Variants in SH2D4B observed in about 807,000 individuals in gnomAD.
SH2D4B encodes SH2 domain containing 4B.
Under a neutral mutation model 61.5 loss-of-function variants are expected in SH2D4B, and 45 were observed. The ratio of observed to expected loss-of-function variants is 0.73; its 90% CI spans 0.58 to 0.94. The LOEUF (loss-of-function observed/expected upper bound fraction) is 0.94, where lower values mean the gene tolerates loss of function less well. Ranked by LOEUF, SH2D4B falls within the 40% of genes least tolerant of loss-of-function variation. The pLI, the probability that SH2D4B is intolerant of heterozygous loss-of-function variation, is 0.00. For synonymous variants in SH2D4B, 224 were observed against 220.4 expected (o/e 1.02, Z -0.14); for missense variants, 572 against 574.2 (o/e 1.00, Z 0.04).
At position 80,538,574 on chromosome 10, in the gene SH2D4B, T is replaced by A; in HGVS notation, c.184+59T>A. ...CCAGTCCCCCAGGAGGTAGAAAAATTAGCAGGGCCAGGCTGTGCCCTTCTT... is the reference window on the plus strand; with the variant it reads ...CCAGTCCCCCAGGAGGTAGAAAAATAAGCAGGGCCAGGCTGTGCCCTTCTT... On this transcript the variant is annotated intron_variant, in intron 1 of 7. Coordinates refer to ENST00000646907, the MANE Select transcript of SH2D4B (RefSeq NM_001388272.1). The surrounding 1 kb of genome is among the most constrained non-coding windows in gnomAD (Gnocchi z 4.8). 7.8e-7 allele frequency: 1 copy of A among 1,290,104 alleles called. No homozygotes were observed. The highest frequency in any genetic ancestry group is 1.0e-6 in the Non-Finnish European group (1 of 1,002,538). The allele number at this position is 1,290,104 out of a possible 1,614,324, so 79.9% of individuals were successfully genotyped here.
At chr10:80,605,341 T>C (rs1431847449) in intron 5 of SH2D4B, among the ~76,000 whole-genome samples, 1 of 152,138 alleles carries the variant, frequency 6.6e-6, no homozygotes, top group Non-Finnish European at 1.5e-5. Flanking sequence ...ATGATCTTTT[T>C]ATTGTGTTGT....
chr10:80,615,480 G>T (rs779928373), intron 6 of SH2D4B, among the ~76,000 whole-genome samples: 1 of 152,220 alleles, frequency 6.6e-6, no homozygotes, highest in Non-Finnish European at 1.5e-5. Flanking sequence ...TATATTCGGA[G>T]AACTTCTTTT....
chr10:80,588,695 G>A lies in SH2D4B; in HGVS notation c.561G>A (p.Ala187=), dbSNP rs781024086. 2.1e-5 allele frequency: 34 copies of A among 1,613,988 alleles called. No individual in the cohort carries two copies. The highest frequency in any genetic ancestry group is 2.7e-5 in the African/African-American group (2 of 74,928). The change falls in exon 4 of 8, where the codon GCG becomes GCA. Residue 187 remains alanine (A), a synonymous_variant. Coordinates refer to ENST00000646907, the MANE Select transcript of SH2D4B (RefSeq NM_001388272.1). ...TTCGCCTCCAGGAAGAGCAGAGGGC[G>A]AAGGAGCTCTACTGGACCCTGAAGC... ...EQIRLQEEQR[A]KELYWTLKQA... is the part of the protein sequence containing the mutation.
intron 1 of SH2D4B, among the ~76,000 whole-genome samples, chr10:80,544,134 C>T (rs1198184576): frequency 2.6e-5 from 4 of 152,150 alleles, no homozygotes; most frequent in Non-Finnish European, 4.4e-5. Flanking sequence ...TGTGGGTCCA[C>T]ACTGCCTTTA....
chr10:80,613,022 G>T (rs540145191), intron 6 of SH2D4B, among the ~76,000 whole-genome samples: 207 of 152,298 alleles, frequency 1.4e-3, no homozygotes, highest in African/African-American at 4.6e-3. Context: ...ACCATAAAAA[G>T]CCATGCCAGT....
At chr10:80,622,528 G>C (rs750345465) in intron 6 of SH2D4B, among the ~76,000 whole-genome samples, 1 of 152,174 alleles carries the variant, frequency 6.6e-6, no homozygotes, top group African/African-American at 2.4e-5. Flanking sequence ...TCCAGGCTCT[G>C]TCCCTTCCCC....
At chr10:80,575,818 G>A (rs1240631689) in intron 3 of SH2D4B, among the ~76,000 whole-genome samples, 2 of 151,992 alleles carry the variant, frequency 1.3e-5, no homozygotes, top group Non-Finnish European at 2.9e-5. Flanking sequence ...ATGAAGAAGG[G>A]CATTTCCCTC....
intron 1 of SH2D4B, among the ~76,000 whole-genome samples, chr10:80,549,643 C>T (rs1199039182): frequency 6.6e-6 from 1 of 152,244 alleles, no homozygotes; most frequent in African/African-American, 2.4e-5. Context: ...CTGCCGAGGG[C>T]TTCTGGTTCC....
chr10:80,596,176 G>A (rs1842382959), intron 4 of SH2D4B, among the ~76,000 whole-genome samples: 1 of 152,228 alleles, frequency 6.6e-6, no homozygotes. Flanking sequence ...ATGCCTCAGG[G>A]GCATACGCTC....
At chr10:80,588,542 T>A in intron 3 of SH2D4B, 88 bp from the exon 4 acceptor site, 1 of 1,537,606 alleles carries the variant, frequency 6.5e-7, no homozygotes, top group Non-Finnish European at 8.8e-7. Flanking sequence ...CTCAGCCCCA[T>A]CCACTGCAGA....
intron 1 of SH2D4B, among the ~76,000 whole-genome samples, chr10:80,558,936 C>T (rs79291416): frequency 0.051 from 7,822 of 152,158 alleles, 634 homozygotes; most frequent in African/African-American, 0.18. Flanking sequence ...AAGGTCTAAC[C>T]GGAGCATGAA....
chr10:80,571,124 C>T (rs1842036836), intron 2 of SH2D4B, among the ~76,000 whole-genome samples: 1 of 152,162 alleles, frequency 6.6e-6, no homozygotes, highest in Admixed American at 6.5e-5. Flanking sequence ...ATCCTCCTGC[C>T]ACTGCCTCCC....
rs549573604 is a variant in SH2D4B at position 80,645,839 on chromosome 10, C to T, written c.*1754C>T. On this transcript the variant is annotated 3_prime_UTR_variant, in exon 8 of 8. Transcript: ENST00000646907. ...GCAACTCACTCAGCTCCATGGCTTC[C>T]CCCGGTCTACCTGTCTCACTACATG... 3 of 152,276 alleles carry T rather than the reference C, an allele frequency of 2.0e-5. No homozygotes were observed. The East Asian group carries it at 5.8e-4, about 29-fold the overall frequency. The allele number at this position is 152,276 out of a possible 1,614,324, so 9.4% of individuals were successfully genotyped here.
intron 1 of SH2D4B, among the ~76,000 whole-genome samples, chr10:80,551,742 G>A (rs1388567395): frequency 6.6e-6 from 1 of 152,194 alleles, no homozygotes; most frequent in African/African-American, 2.4e-5. Context: ...ACACACAGCG[G>A]GACTGAGTGC....
At chr10:80,569,369 AG>A (rs1330670015) in intron 1 of SH2D4B, among the ~76,000 whole-genome samples, 1 of 152,110 alleles carries the variant, frequency 6.6e-6, no homozygotes, top group African/African-American at 2.4e-5. Flanking sequence ...CAAAGTCCAA[AG>A]CTTGTACTGC....
At chr10:80,612,737 A>T (rs1433935345) in intron 6 of SH2D4B, among the ~76,000 whole-genome samples, 1 of 152,224 alleles carries the variant, frequency 6.6e-6, no homozygotes, top group African/African-American at 2.4e-5. Context: ...TTTCCCAGAT[A>T]AAAGAGTCTT....
intron 6 of SH2D4B, among the ~76,000 whole-genome samples, chr10:80,623,336 T>C (rs757779960): frequency 2.6e-5 from 4 of 152,246 alleles, no homozygotes; most frequent in Non-Finnish European, 4.4e-5. Context: ...GCTTTGAAGA[T>C]GGCACCTTGA....
At chr10:80,620,477 C>T (rs781632808) in intron 6 of SH2D4B, among the ~76,000 whole-genome samples, 2 of 152,128 alleles carry the variant, frequency 1.3e-5, no homozygotes, top group African/African-American at 2.4e-5. Context: ...CACAAATTAC[C>T]CATTCTCAGG....
intron 1 of SH2D4B, among the ~76,000 whole-genome samples, chr10:80,543,328 C>A (rs1055926386): frequency 1.3e-5 from 2 of 152,102 alleles, no homozygotes; most frequent in African/African-American, 4.8e-5. Context: ...GCTGGGCGGA[C>A]CCCGCACTCG....
Sources: allele counts gnomAD v4.1 joint callset (sites outside exome capture counted in the v4.1 genomes callset), GRCh38; gene constraint gnomAD v4.1.1; non-coding constraint Gnocchi (gnomAD v3.1); transcripts MANE v1.5; gene names NCBI Gene and HGNC (gene_info 2026-07-23, HGNC 2026-07-21).